Variants in TP73 observed in about 807,000 individuals in gnomAD.
TP73 encodes the protein tumor protein p73.
In TP73, 25 loss-of-function variants were observed where a neutral mutation model predicts 62.5. The observed-to-expected ratio is 0.40, with a 90% CI of 0.29 to 0.56. The LOEUF is 0.56. Among genes scored for constraint, TP73 ranks in the 20% least tolerant of loss-of-function variants. TP73 has a pLI of 0.46. For synonymous variants in TP73, 423 were observed against 377.5 expected (o/e 1.12, Z -1.40); for missense variants, 754 against 913.3 (o/e 0.83, Z 2.25).
intron 3 of TP73, among the ~76,000 whole-genome samples, chr1:3,689,261 G>T (rs1355751689): frequency 2.0e-5 from 3 of 152,156 alleles, no homozygotes; most frequent in African/African-American, 4.8e-5. Context: ...CCCTGCAGGG[G>T]GCTTCCCAGA....
chr1:3,683,058 A>G lies in TP73; in HGVS notation c.66-2A>G. 1 of 1,599,156 alleles carries G rather than the reference A, an allele frequency of 6.3e-7. No homozygotes were observed. The highest frequency in any genetic ancestry group is 1.3e-5 in the African/African-American group (1 of 74,822). On this transcript the variant is annotated splice_acceptor_variant, in intron 2 of 13. Coordinates refer to ENST00000378295, the MANE Select transcript of TP73 (RefSeq NM_005427.4). LOFTEE classifies it high-confidence loss of function. ...GCTTCTATTTTCCTCTCCCTGCCCC[A>G]GGGAACCAGACAGCACCTACTTCGA... is the stretch of plus-strand genomic sequence containing the variant.
rs1638991952 is a variant in TP73 at position 3,699,717 on chromosome 1, G to A, written c.187-7832G>A. ...AATGAGAGTGCGGGATAAATGCCGG[G>A]CGGGGAGCAGGGATGCTCGGGCGGG... On this transcript the variant is annotated intron_variant, in intron 3 of 13. Transcript: ENST00000378295. The surrounding 1 kb of genome is among the most constrained non-coding windows in gnomAD (Gnocchi z 4.1). Among the ~76,000 whole-genome samples, 1 of 152,224 alleles carries A rather than the reference G, an allele frequency of 6.6e-6. No individual in the cohort carries two copies. The highest frequency in any genetic ancestry group is 2.4e-5 in the African/African-American group (1 of 41,466).
At chr1:3,661,094 AT>A (rs1329064408) in intron 1 of TP73, among the ~76,000 whole-genome samples, 50 of 152,206 alleles carry the variant, frequency 3.3e-4, no homozygotes, top group Non-Finnish European at 5.9e-5. Flanking sequence ...AATAAGCCCA[AT>A]TTATTTAATA....
chr1:3,711,448 G>T (rs1640132631), intron 4 of TP73, among the ~76,000 whole-genome samples: 1 of 152,276 alleles, frequency 6.6e-6, no homozygotes, highest in African/African-American at 2.4e-5. Flanking sequence ...AGAATGAACA[G>T]GAGTTCCTCT....
rs937208052 is a variant in TP73 at position 3,699,044 on chromosome 1, G to A, written c.187-8505G>A. On this transcript the variant is annotated intron_variant, in intron 3 of 13. Coordinates refer to ENST00000378295, the MANE Select transcript of TP73 (RefSeq NM_005427.4). This position sits in a 1 kb window ranked among gnomAD's most constrained non-coding sequence, Gnocchi z 4.1. ...TCAGCCCCGGGTGAGAGCAGAGGGT[G>A]CTGTGGGTGAGAGCACAGGGTGCTG... Among the ~76,000 whole-genome samples, 2 of 151,478 alleles carry A rather than the reference G, an allele frequency of 1.3e-5. No individual in the cohort carries two copies. Among genetic ancestry groups the A allele is most frequent in the African/African-American group, 2.4e-5 (1 of 40,822 alleles).
chr1:3,653,417 G>C (rs1018554096), intron 1 of TP73, among the ~76,000 whole-genome samples: 3 of 152,248 alleles, frequency 2.0e-5, no homozygotes, highest in South Asian at 2.1e-4. Context: ...GATTACCTTT[G>C]CTCAGCTTGT....
At chr1:3,728,739 C>T (rs1201108342) in intron 9 of TP73, among the ~76,000 whole-genome samples, 1 of 152,356 alleles carries the variant, frequency 6.6e-6, no homozygotes, top group East Asian at 1.9e-4. Flanking sequence ...TTTTGGGAGG[C>T]TGAGGCGGGT....
At position 3,727,597 on chromosome 1, in the gene TP73, G is replaced by C. The variant is rs374546414; in HGVS notation, c.843-31G>C. On this transcript the variant is annotated intron_variant, in intron 7 of 13. Coordinates refer to ENST00000378295, the MANE Select transcript of TP73 (RefSeq NM_005427.4). ...GCAGGTTGAGGGTGGGCAGGGTTGA[G>C]CTCACAATTCTGGCTGTGCCCACCC... 3.2e-6 allele frequency: 5 copies of C among 1,583,890 alleles called. No homozygotes were observed. The African/African-American group carries it at 6.7e-5, about 21-fold the overall frequency.
At chr1:3,720,532 T>C (rs1640986070) in intron 4 of TP73, among the ~76,000 whole-genome samples, 1 of 152,196 alleles carries the variant, frequency 6.6e-6, no homozygotes, top group Non-Finnish European at 1.5e-5. Context: ...CTGGGTCTCA[T>C]TCGGGGAGCC....
chr1:3,718,188 C>T (rs1640767032), intron 4 of TP73, among the ~76,000 whole-genome samples: 1 of 152,222 alleles, frequency 6.6e-6, no homozygotes, highest in African/African-American at 2.4e-5. Flanking sequence ...AGGGACAGCT[C>T]CCGGCGCGCC....
intron 3 of TP73, among the ~76,000 whole-genome samples, chr1:3,703,301 G>A (rs1639365906): frequency 6.6e-6 from 1 of 152,162 alleles, no homozygotes; most frequent in Non-Finnish European, 1.5e-5. Context: ...GGGAGGAGGG[G>A]GCTTCAGAGG....
chr1:3,696,178 C>G lies in TP73; in HGVS notation c.187-11371C>G, dbSNP rs1638640885. ...CCTGGTGGCTCAGTCCTGTGTGCAT[C>G]AGAGGAGGTGGTGGGTGGTGGTCAG... On this transcript the variant is annotated intron_variant, in intron 3 of 13. Coordinates refer to ENST00000378295, the MANE Select transcript of TP73 (RefSeq NM_005427.4). The surrounding 1 kb of genome is among the most constrained non-coding windows in gnomAD (Gnocchi z 4.1). 6.6e-6 allele frequency among the ~76,000 whole-genome samples: 1 copy of G among 152,096 alleles called. No homozygotes were observed. Among genetic ancestry groups the G allele is most frequent in the Non-Finnish European group, 1.5e-5 (1 of 68,008 alleles).
chr1:3,679,024 C>T (rs180793409), intron 1 of TP73, among the ~76,000 whole-genome samples: 3 of 152,336 alleles, frequency 2.0e-5, no homozygotes, highest in Non-Finnish European at 2.9e-5. Flanking sequence ...CGGGGACCCA[C>T]GACCACGCTC....
chr1:3,714,435 CCAG>C (rs1640420520), intron 4 of TP73: 1 of 152,340 alleles, frequency 6.6e-6, no homozygotes, highest in African/African-American at 2.4e-5. Flanking sequence ...CTCAAAGCCA[CCAG>C]TCAGGGTGGG....
intron 3 of TP73, among the ~76,000 whole-genome samples, chr1:3,697,107 G>A (rs1282324009): frequency 6.6e-6 from 1 of 151,320 alleles, no homozygotes; most frequent in Non-Finnish European, 1.5e-5. Flanking sequence ...CATGCCTGAG[G>A]TCCTGTGAAT....
chr1:3,691,709 C>T (rs1300666608), intron 3 of TP73, among the ~76,000 whole-genome samples: 3 of 152,214 alleles, frequency 2.0e-5, no homozygotes, highest in African/African-American at 4.8e-5. Flanking sequence ...AGCTGCTCCA[C>T]GTGGGGCCGT....
At chr1:3,716,929 A>G (rs913790650) in intron 4 of TP73, among the ~76,000 whole-genome samples, 2 of 152,176 alleles carry the variant, frequency 1.3e-5, no homozygotes, top group South Asian at 4.1e-4. Flanking sequence ...CCCAGAGAGG[A>G]GAGAGATGCA....
intron 1 of TP73, among the ~76,000 whole-genome samples, chr1:3,681,493 G>A (rs967944702): frequency 2.6e-5 from 4 of 152,152 alleles, no homozygotes; most frequent in Admixed American, 6.5e-5. Context: ...AAAGACCAGC[G>A]GACGGGCGCT....
chr1:3,729,389 G>A lies in TP73; in HGVS notation c.1137G>A (p.Glu379=), dbSNP rs778404209. 1 of 1,613,182 alleles carries A rather than the reference G, an allele frequency of 6.2e-7. No individual in the cohort carries two copies. Among genetic ancestry groups the A allele is most frequent in the Non-Finnish European group, 8.5e-7 (1 of 1,180,004 alleles). ...MKLKESLELM[E]LVPQPLVDSY... ...TGAAAGAGAGCCTGGAGCTGATGGAGTTGGTGCCGCAGCCACTGGTGGACT... is the reference window on the plus strand; with the variant it reads ...TGAAAGAGAGCCTGGAGCTGATGGAATTGGTGCCGCAGCCACTGGTGGACT... The change falls in exon 10 of 14, where the codon GAG becomes GAA. Residue 379 remains glutamate (E), a synonymous_variant. Transcript: ENST00000378295.
Sources: allele counts gnomAD v4.1 joint callset (sites outside exome capture counted in the v4.1 genomes callset), GRCh38; gene constraint gnomAD v4.1.1; non-coding constraint Gnocchi (gnomAD v3.1); transcripts MANE v1.5; gene names NCBI Gene and HGNC (gene_info 2026-07-23, HGNC 2026-07-21).